Variants in PCNX1 observed in about 807,000 individuals in gnomAD.
PCNX1 encodes pecanex 1.
In PCNX1, 78 loss-of-function variants were observed where a neutral mutation model predicts 242.2. That is an observed-to-expected ratio of 0.32 (90% confidence interval 0.27 to 0.39). The LOEUF (loss-of-function observed/expected upper bound fraction) is 0.39. Among genes scored for constraint, PCNX1 ranks in the 10% least tolerant of loss-of-function variants. The probability of loss-of-function intolerance (pLI) is 1.00; values close to 1 mark genes in which losing one functional copy is unlikely to be tolerated. For missense variants in PCNX1, 2,581 were observed against 2,856.5 expected (o/e 0.90, Z 2.20); for synonymous variants, 1,024 against 1,032.9 (o/e 0.99, Z 0.17).
At chr14:70,947,460 C>T (rs2057502729) in intron 2 of PCNX1, among the ~76,000 whole-genome samples, 1 of 152,140 alleles carries the variant, frequency 6.6e-6, no homozygotes, top group Non-Finnish European at 1.5e-5. Context: ...TGTTAGTTCC[C>T]CAAATTAATA....
chr14:70,908,981 C>T (rs1457386025), intron 1 of PCNX1, among the ~76,000 whole-genome samples: 1 of 152,112 alleles, frequency 6.6e-6, no homozygotes, highest in Middle Eastern at 3.2e-3. Flanking sequence ...TTAAAGTAGT[C>T]AGAGGGGAGG....
chr14:70,908,917 G>A (rs1237095281), intron 1 of PCNX1, among the ~76,000 whole-genome samples: 1 of 152,218 alleles, frequency 6.6e-6, no homozygotes, highest in East Asian at 1.9e-4. Flanking sequence ...TTAGGGTGGG[G>A]CGTTAGGGAA....
intron 17 of PCNX1, 91 bp downstream of exon 17, chr14:71,033,629 C>A: frequency 1.4e-6 from 1 of 723,870 alleles, no homozygotes; most frequent in Non-Finnish European, 2.4e-6. Flanking sequence ...TTTCCCAATG[C>A]CTTTCCAAAG....
At chr14:71,031,001 A>G (rs1197518561) in intron 16 of PCNX1, among the ~76,000 whole-genome samples, 1 of 152,148 alleles carries the variant, frequency 6.6e-6, no homozygotes, top group Non-Finnish European at 1.5e-5. Flanking sequence ...GTTCAGAAAA[A>G]GGTTGTTAAT....
chr14:70,957,909 T>A (rs1473701848), intron 2 of PCNX1, among the ~76,000 whole-genome samples: 1 of 152,196 alleles, frequency 6.6e-6, no homozygotes, highest in Non-Finnish European at 1.5e-5. Flanking sequence ...TATTTCTTAA[T>A]CTGTACTTTG....
At chr14:70,913,454 G>T (rs903384094) in intron 1 of PCNX1, among the ~76,000 whole-genome samples, 1 of 152,112 alleles carries the variant, frequency 6.6e-6, no homozygotes, top group African/African-American at 2.4e-5. Flanking sequence ...AGTGCAGTAC[G>T]TATGGCTTTT....
chr14:70,958,951 C>T (rs112593182), intron 2 of PCNX1, among the ~76,000 whole-genome samples: 1,312 of 110,984 alleles, frequency 0.012, 13 homozygotes, highest in Middle Eastern at 0.049. Flanking sequence ...GAATTGGATG[C>T]CAGATAGCAA....
intron 28 of PCNX1, among the ~76,000 whole-genome samples, chr14:71,081,408 T>G (rs2061851218): frequency 6.6e-6 from 1 of 151,966 alleles, no homozygotes. Context: ...GGAGTCCCTC[T>G]TTTTCTGTTG....
Position 71,109,439 on chromosome 14 carries a change from AT to A in PCNX1, c.6745-10del. ...AAAAAAATGAATTGGAAATGTTTTTATTTACCATGTAGATTGTGGATCCCAG... is the reference window on the plus strand; with the variant it reads ...AAAAAAATGAATTGGAAATGTTTTTATTACCATGTAGATTGTGGATCCCAG... On this transcript the variant is annotated splice_polypyrimidine_tract_variant and intron_variant, in intron 34 of 35. Transcript: ENST00000304743. 1 of 1,587,816 alleles carries A rather than the reference AT, an allele frequency of 6.3e-7. No homozygotes were observed. Among genetic ancestry groups the A allele is most frequent in the Non-Finnish European group, 8.6e-7 (1 of 1,168,742 alleles).
At chr14:70,912,103 C>T (rs933357808) in intron 1 of PCNX1, among the ~76,000 whole-genome samples, 5 of 151,876 alleles carry the variant, frequency 3.3e-5, no homozygotes, top group South Asian at 2.1e-4. Flanking sequence ...GGCATGGTGG[C>T]GGGCGCCTGT....
In PCNX1 at chr14:70,977,982, G is replaced by T. The variant is rs774496968; in HGVS notation, c.1645G>T (p.Val549Leu). 6.2e-7 allele frequency: 1 copy of T among 1,614,008 alleles called. No individual in the cohort carries two copies. Among genetic ancestry groups the T allele is most frequent in the Admixed American group, 1.7e-5 (1 of 59,996 alleles). The change falls in exon 6 of 36, where the codon GTA (valine) becomes TTA (leucine). Residue 549 changes from valine to leucine, a missense_variant. By Grantham distance (32) the Val-to-Leu change is conservative (BLOSUM62 1). Transcript: ENST00000304743. The stretch of plus-strand genomic sequence containing the variant: ...GGATGTTCGACCTAAATCTTCTAGC[G>T]TAATCCATCGGACAGCTTCTGCCCA... ...EGDVRPKSSS[V>L]IHRTASAHKS...
intron 8 of PCNX1, among the ~76,000 whole-genome samples, chr14:71,004,149 C>T (rs967290914): frequency 1.3e-5 from 2 of 152,224 alleles, no homozygotes; most frequent in Admixed American, 6.5e-5. Context: ...TTTCATGTTA[C>T]AGTTGTAGAC....
intron 26 of PCNX1, among the ~76,000 whole-genome samples, chr14:71,071,617 C>T (rs985544707): frequency 2.6e-5 from 4 of 152,084 alleles, no homozygotes; most frequent in East Asian, 1.9e-4. Context: ...CACCTTACAC[C>T]GTGATTATGT....
At chr14:70,912,106 G>A (rs1372091464) in intron 1 of PCNX1, among the ~76,000 whole-genome samples, 3 of 152,028 alleles carry the variant, frequency 2.0e-5, no homozygotes, top group Non-Finnish European at 2.9e-5. Flanking sequence ...ATGGTGGCGG[G>A]CGCCTGTAGT....
intron 32 of PCNX1, 47 bp from the exon 33 acceptor site, chr14:71,105,188 T>C: frequency 7.1e-7 from 1 of 1,408,286 alleles, no homozygotes. Context: ...ATACCCATTT[T>C]GAAGTGATCT....
At chr14:70,964,310 G>C (rs1367015191) in intron 3 of PCNX1, among the ~76,000 whole-genome samples, 1 of 152,060 alleles carries the variant, frequency 6.6e-6, no homozygotes, top group Non-Finnish European at 1.5e-5. Context: ...CAGGTGGTCT[G>C]CCCACCTCAG....
intron 2 of PCNX1, among the ~76,000 whole-genome samples, chr14:70,957,473 C>T (rs1183539077): frequency 2.6e-5 from 4 of 152,096 alleles, no homozygotes; most frequent in African/African-American, 7.2e-5. Flanking sequence ...ATGCATGCTA[C>T]GACGTGGATG....
chr14:71,090,822 C>T (rs925406150), intron 30 of PCNX1, among the ~76,000 whole-genome samples: 17 of 152,136 alleles, frequency 1.1e-4, no homozygotes, highest in Admixed American at 5.2e-4. Context: ...TCAGCTTGTC[C>T]GAGATGAAAC....
chr14:71,114,094 C>T lies in PCNX1; in HGVS notation c.*4159C>T, dbSNP rs1333943119. 1 of 152,134 alleles carries T rather than the reference C, an allele frequency of 6.6e-6. No homozygotes were observed. The highest frequency in any genetic ancestry group is 1.5e-5 in the Non-Finnish European group (1 of 68,032). 9.4% of individuals were successfully genotyped at this position (152,134 alleles called of 1,614,324 possible). A position where few individuals can be genotyped will look rare whatever the true frequency, so the allele number is the denominator to read the frequency against. ...AGGCTAATGTGGTACATGGAACTTGCTAATGGAGGTTGGACATTCTGTTTC... is the reference window on the plus strand; with the variant it reads ...AGGCTAATGTGGTACATGGAACTTGTTAATGGAGGTTGGACATTCTGTTTC... On this transcript the variant is annotated 3_prime_UTR_variant, in exon 36 of 36. Transcript: ENST00000304743.
Sources: allele counts gnomAD v4.1 joint callset (sites outside exome capture counted in the v4.1 genomes callset), GRCh38; gene constraint gnomAD v4.1.1; transcripts MANE v1.5; gene names NCBI Gene and HGNC (gene_info 2026-07-23, HGNC 2026-07-21).